GRK3: variants seen among roughly 807,000 people sequenced by gnomAD.
GRK3 encodes G protein-coupled receptor kinase 3.
In GRK3, 54 loss-of-function variants were observed where a neutral mutation model predicts 95.7. The observed-to-expected ratio is 0.56, with a 90% CI of 0.45 to 0.71. The LOEUF is 0.71. Among genes scored for constraint, GRK3 ranks in the 30% least tolerant of loss-of-function variants. GRK3 has a pLI of 0.00. For missense variants in GRK3, 649 were observed against 851.2 expected (o/e 0.76, Z 2.96); for synonymous variants, 281 against 290.8 (o/e 0.97, Z 0.34).
rs1372299869 is a variant in GRK3 at position 25,648,478 on chromosome 22, G to A, written c.264+3813G>A. On this transcript the variant is annotated intron_variant, in intron 3 of 20. Coordinates refer to ENST00000324198, the MANE Select transcript of GRK3 (RefSeq NM_005160.4). ...GGACAAGGATGTTTTGGCAAAGTGT[G>A]GATGGGAATATGGAATGGAACCACA... The A allele has an allele frequency of 2.2e-6, 3 of 1,376,646 alleles. No individual in the cohort carries two copies. The African/African-American group carries it at 4.3e-5, about 20-fold the overall frequency. 85.3% of individuals were successfully genotyped at this position (1,376,646 alleles called of 1,614,324 possible).
In GRK3 at chr22:25,589,183, A is replaced by G. The variant is rs1485708419; in HGVS notation, c.114-15194A>G. On this transcript the variant is annotated intron_variant, in intron 1 of 20. Transcript: ENST00000324198. ...TACCTATTAATTAAAATATTTGCTTAAATGCATTTTATTTTGGACATTAGA... is the reference window on the plus strand; with the variant it reads ...TACCTATTAATTAAAATATTTGCTTGAATGCATTTTATTTTGGACATTAGA... 2.0e-5 allele frequency among the ~76,000 whole-genome samples: 3 copies of G among 152,204 alleles called. No homozygotes were observed. The East Asian group carries it at 5.8e-4, about 29-fold the overall frequency.
At chr22:25,592,322 TA>T (rs1355248267) in intron 1 of GRK3, among the ~76,000 whole-genome samples, 1 of 152,174 alleles carries the variant, frequency 6.6e-6, no homozygotes, top group Non-Finnish European at 1.5e-5. Context: ...CATTTTTTAT[TA>T]GGTTATTTTC....
Position 25,708,636 on chromosome 22 carries a change from C to A in GRK3, c.1329-1262C>A, listed in dbSNP as rs1009646772. 2.6e-5 allele frequency among the ~76,000 whole-genome samples: 4 copies of A among 150,982 alleles called. No individual in the cohort carries two copies. In the East Asian group the frequency reaches 7.8e-4, roughly 29 times the overall value. On this transcript the variant is annotated intron_variant, in intron 15 of 20. Transcript: ENST00000324198. ...GTGCTGGGAGTGCTCCTCCCCCATGCGGGCTTTTCCTTGGAGTGTGCAATT... is the reference window on the plus strand; with the variant it reads ...GTGCTGGGAGTGCTCCTCCCCCATGAGGGCTTTTCCTTGGAGTGTGCAATT...
intron 2 of GRK3, among the ~76,000 whole-genome samples, chr22:25,606,638 C>T (rs1195777549): frequency 6.6e-6 from 1 of 152,138 alleles, no homozygotes; most frequent in Non-Finnish European, 1.5e-5. Context: ...TGTTTTGTTT[C>T]ACCCTCTGTC....
At chr22:25,565,511 T>TG (rs1931442664) in intron 1 of GRK3, among the ~76,000 whole-genome samples, 1 of 152,114 alleles carries the variant, frequency 6.6e-6, no homozygotes, top group Non-Finnish European at 1.5e-5. Context: ...TTCTTCCTGT[T>TG]GCATTGGTGT....
At chr22:25,595,734 GC>G (rs1328700755) in intron 1 of GRK3, among the ~76,000 whole-genome samples, 1 of 151,758 alleles carries the variant, frequency 6.6e-6, no homozygotes, top group Non-Finnish European at 1.5e-5. Flanking sequence ...ATCTCTTGAG[GC>G]CAAGAATTTA....
intron 2 of GRK3, among the ~76,000 whole-genome samples, chr22:25,635,010 C>G (rs2084689587): frequency 6.6e-6 from 1 of 152,202 alleles, no homozygotes; most frequent in Admixed American, 6.5e-5. Context: ...TTTGTATACC[C>G]TTTAAACCAA....
chr22:25,720,515 C>T lies in GRK3; in HGVS notation c.1792-769C>T, dbSNP rs572424141. Among the ~76,000 whole-genome samples, 316 of 116,496 alleles carry T rather than the reference C, an allele frequency of 2.7e-3. 1 individual carries two copies. The highest frequency in any genetic ancestry group is 7.5e-3 in the Admixed American group (61 of 8,140). The allele number at this position is 116,496 out of a possible 152,430, so 76.4% of individuals were successfully genotyped here. On this transcript the variant is annotated intron_variant, in intron 19 of 20. Transcript: ENST00000324198. ...TTTTTGAGACAGAGTCTTGCTCTGT[C>T]GCCCAGGCTGGAGTGCAGTGGCGCG...
chr22:25,675,641 A>G (rs2085022371), intron 8 of GRK3, among the ~76,000 whole-genome samples: 1 of 152,162 alleles, frequency 6.6e-6, no homozygotes, highest in African/African-American at 2.4e-5. Flanking sequence ...CCGTGGGAGA[A>G]GGGGTGTTTG....
chr22:25,585,421 A>T (rs1932266507), intron 1 of GRK3, among the ~76,000 whole-genome samples: 1 of 152,182 alleles, frequency 6.6e-6, no homozygotes, highest in Non-Finnish European at 1.5e-5. Context: ...CATTAATTAA[A>T]ACTATTTATT....
At chr22:25,608,287 A>G (rs1180205961) in intron 2 of GRK3, among the ~76,000 whole-genome samples, 1 of 152,180 alleles carries the variant, frequency 6.6e-6, no homozygotes, top group African/African-American at 2.4e-5. Context: ...TCTAAATACA[A>G]GATTCCTTCT....
intron 2 of GRK3, among the ~76,000 whole-genome samples, chr22:25,620,760 C>T (rs754938794): frequency 7.2e-5 from 11 of 152,126 alleles, no homozygotes; most frequent in Non-Finnish European, 1.3e-4. Flanking sequence ...ATGGCGTGTC[C>T]TTGTGTGGTT....
At chr22:25,645,132 A>C (rs2084771355) in intron 3 of GRK3, among the ~76,000 whole-genome samples, 2 of 152,160 alleles carry the variant, frequency 1.3e-5, no homozygotes, top group South Asian at 4.1e-4. Flanking sequence ...TTTCCCCATA[A>C]GAAATTTGGT....
chr22:25,648,033 T>C, intron 3 of GRK3: 1 of 501,406 alleles, frequency 2.0e-6, no homozygotes, highest in Non-Finnish European at 3.6e-6. Context: ...GCAGAATCAC[T>C]TGAACCTGGG....
rs146465749 is a variant in GRK3, at chr22:25,719,319, G to T, written c.1791+938G>T. On this transcript the variant is annotated intron_variant, in intron 19 of 20. Coordinates refer to ENST00000324198, the MANE Select transcript of GRK3 (RefSeq NM_005160.4). ...CAAAAACACAACTGGACAGTTAGGA[G>T]GTGGAAGGGTGACTCAGACCAGGTC... Among the ~76,000 whole-genome samples the T allele has an allele frequency of 2.8e-4, 42 of 152,290 alleles. No individual in the cohort carries two copies. The East Asian group carries it at 7.3e-3, about 27-fold the overall frequency.
intron 3 of GRK3, among the ~76,000 whole-genome samples, chr22:25,652,138 G>A (rs529072838): frequency 6.6e-6 from 1 of 152,286 alleles, no homozygotes; most frequent in African/African-American, 2.4e-5. Context: ...ACTTTAGTCA[G>A]AAGGAAAATG....
chr22:25,647,532 A>T, intron 3 of GRK3: 1 of 1,532,918 alleles, frequency 6.5e-7, no homozygotes, highest in Non-Finnish European at 9.0e-7. Flanking sequence ...CTGGCTTAAC[A>T]CGTGGTGTTA....
At chr22:25,618,039 C>CT (rs1467939386) in intron 2 of GRK3, among the ~76,000 whole-genome samples, 2 of 152,222 alleles carry the variant, frequency 1.3e-5, no homozygotes, top group African/African-American at 4.8e-5. Flanking sequence ...TCCCAAAGTG[C>CT]TGGGATTACA....
At chr22:25,574,400 G>A (rs189945817) in intron 1 of GRK3, among the ~76,000 whole-genome samples, 1 of 152,272 alleles carries the variant, frequency 6.6e-6, no homozygotes, top group East Asian at 1.9e-4. Flanking sequence ...GCTGAGGTGG[G>A]AGGGTTTCTT....
Sources: gnomAD v4.1 joint callset for allele counts (sites outside exome capture counted in the v4.1 genomes callset) on GRCh38, gnomAD v4.1.1 for gene constraint, MANE v1.5 for transcripts, NCBI Gene and HGNC (gene_info 2026-07-23, HGNC 2026-07-21) for gene names.